Variants in PRR5 observed in about 807,000 individuals in gnomAD.
The protein encoded by PRR5 is proline rich 5, also known as proline-rich protein 5.
Under a neutral mutation model 30.6 loss-of-function variants are expected in PRR5, and 25 were observed. The observed-to-expected ratio is 0.82, with a 90% CI of 0.60 to 1.14. PRR5 has a LOEUF of 1.14. PRR5 is among the 50% of genes most tolerant of loss of function. The pLI, the probability that PRR5 is intolerant of heterozygous loss-of-function variation, is 0.00. For synonymous variants in PRR5, 286 were observed against 247.1 expected (o/e 1.16, Z -1.48); for missense variants, 600 against 547.1 (o/e 1.10, Z -0.96).
intron 6 of PRR5, chr22:44,734,713 CTT>C (rs1922872428): frequency 5.1e-6 from 2 of 389,734 alleles, no homozygotes; most frequent in South Asian, 7.1e-5. Context: ...CTCTAGGACT[CTT>C]GAGTACAGGG....
chr22:44,672,235 G>A (rs554896834), upstream of PRR5, among the ~76,000 whole-genome samples: 17 of 152,284 alleles, frequency 1.1e-4, no homozygotes, highest in Middle Eastern at 3.4e-3. Context: ...TGTGTTACAC[G>A]GATACCCACA....
chr22:44,701,970 G>A (rs1926347505), upstream of PRR5, among the ~76,000 whole-genome samples: 3 of 152,280 alleles, frequency 2.0e-5, no homozygotes, highest in Admixed American at 6.5e-5. Flanking sequence ...GTGCGTGTTG[G>A]TTTCCTGTGG....
rs1926463935 is a variant in PRR5, at chr22:44,702,404, C to T, written c.-71C>T. 2.4e-6 allele frequency: 3 copies of T among 1,230,366 alleles called. No individual in the cohort carries two copies. The highest frequency in any genetic ancestry group is 4.4e-5 in the Admixed American group (1 of 22,506). 76.2% of individuals were successfully genotyped at this position (1,230,366 alleles called of 1,614,324 possible). ...TAGAGGGCGCATCGCCGGCCCGGGGCCCTTGGTGCGGCGTGGCGCAGGGCG... is the reference window on the plus strand; with the variant it reads ...TAGAGGGCGCATCGCCGGCCCGGGGTCCTTGGTGCGGCGTGGCGCAGGGCG... On this transcript the variant is annotated 5_prime_UTR_variant, in exon 1 of 8. Coordinates refer to ENST00000336985, the MANE Select transcript of PRR5 (RefSeq NM_181333.4).
chr22:44,706,163 C>T (rs930749524), intron 1 of PRR5, among the ~76,000 whole-genome samples: 2 of 152,202 alleles, frequency 1.3e-5, no homozygotes, highest in Non-Finnish European at 2.9e-5. Context: ...AGTTAAGGAT[C>T]ATCTCCAGGT....
chr22:44,732,996 G>T (rs544921382), intron 6 of PRR5, among the ~76,000 whole-genome samples: 4 of 141,068 alleles, frequency 2.8e-5, no homozygotes, highest in African/African-American at 5.0e-5. Context: ...ACATGTGCGC[G>T]CACACATACT....
In PRR5 at chr22:44,702,322, G is replaced by A. The variant is rs1395401605; in HGVS notation, c.-153G>A. On this transcript the variant is annotated 5_prime_UTR_variant, in exon 1 of 8. Transcript: ENST00000336985. The stretch of plus-strand genomic sequence containing the variant: ...GCGGGACCCGAGACGGAGGCGCGGG[G>A]CCGGGGCGGGACCCCGCAGGACCGC... 106 of 1,150,420 alleles carry A rather than the reference G, an allele frequency of 9.2e-5. No individual in the cohort carries two copies. Among genetic ancestry groups the A allele is most frequent in the Non-Finnish European group, 1.1e-4 (101 of 929,378 alleles). The allele number at this position is 1,150,420 out of a possible 1,614,324, so 71.3% of individuals were successfully genotyped here. A position where few individuals can be genotyped will look rare whatever the true frequency, so the allele number is the denominator to read the frequency against.
intron 6 of PRR5, among the ~76,000 whole-genome samples, chr22:44,732,744 ACG>A (rs1569111111): frequency 6.6e-6 from 1 of 150,412 alleles, no homozygotes; most frequent in African/African-American, 2.5e-5. Flanking sequence ...CACACCACAC[ACG>A]TGTGCACGCA....
chr22:44,698,513 G>A (rs5765912), upstream of PRR5, among the ~76,000 whole-genome samples: 13,226 of 152,164 alleles, frequency 0.087, 790 homozygotes, highest in South Asian at 0.21. Flanking sequence ...AGACACAAAT[G>A]AGCCCTGCCC....
chr22:44,724,462 AG>A (rs1322860822), intron 2 of PRR5, among the ~76,000 whole-genome samples: 1 of 152,116 alleles, frequency 6.6e-6, no homozygotes, highest in Admixed American at 6.6e-5. Flanking sequence ...GTTTTCCTAA[AG>A]GGAATAGCAA....
At chr22:44,669,512 A>T (rs1923300555) in intron 1 of PRR5, among the ~76,000 whole-genome samples, 1 of 152,198 alleles carries the variant, frequency 6.6e-6, no homozygotes, top group Admixed American at 6.5e-5. Context: ...ATCCCTTGGC[A>T]GGTGGGGATA....
rs921607006 is a variant in PRR5 at position 44,730,025 on chromosome 22, C to T, written c.323-1705C>T. The T allele has an allele frequency of 1.9e-5, 19 of 985,314 alleles. No homozygotes were observed. In the African/African-American group the frequency reaches 2.3e-4, roughly 12 times the overall value. The allele number at this position is 985,314 out of a possible 1,614,324, so 61.0% of individuals were successfully genotyped here. ...CCCTCAGAGCCAGGTTTGGGCTACC[C>T]GGGTGGGCAGAGGGCTGGCCACTGG... On this transcript the variant is annotated intron_variant, in intron 4 of 7. Coordinates refer to ENST00000336985, the MANE Select transcript of PRR5 (RefSeq NM_181333.4).
chr22:44,688,717 G>A lies in PRR5; in HGVS notation c.-11+11477G>A, dbSNP rs148988234. Among the ~76,000 whole-genome samples, 11 of 152,234 alleles carry A rather than the reference G, an allele frequency of 7.2e-5. No homozygotes were observed. In the East Asian group the frequency reaches 1.9e-3, roughly 27 times the overall value. On this transcript the variant is annotated intron_variant, in intron 1 of 8. Transcript: ENST00000006251. The stretch of plus-strand genomic sequence containing the variant: ...CATCCTATATATGGCCAGGTGCAGT[G>A]TGGCTCACGCCTGTAATTCCAGCAT...
chr22:44,733,216 G>A (rs1177578052), intron 6 of PRR5, among the ~76,000 whole-genome samples: 1 of 152,232 alleles, frequency 6.6e-6, no homozygotes, highest in Non-Finnish European at 1.5e-5. Context: ...TCCACCGCAA[G>A]CCAGGGGTTT....
At chr22:44,730,683 T>C in intron 4 of PRR5, 1 of 1,019,742 alleles carries the variant, frequency 9.8e-7, no homozygotes, top group Non-Finnish European at 1.2e-6. Flanking sequence ...GCTTGGATGC[T>C]CTTCCTCCAG....
chr22:44,726,662 C>G lies in PRR5; in HGVS notation c.322+28C>G, dbSNP rs374390033. On this transcript the variant is annotated intron_variant, in intron 4 of 7. Transcript: ENST00000336985. The stretch of plus-strand genomic sequence containing the variant: ...GAGTGTGGGCCCCTTGGCGGCCACT[C>G]TGGGCCATGCTGGGTCCTGGCTGGC... The G allele has an allele frequency of 3.7e-6, 6 of 1,613,704 alleles. No individual in the cohort carries two copies. The African/African-American group carries it at 8.0e-5, about 22-fold the overall frequency.
upstream of PRR5, among the ~76,000 whole-genome samples, chr22:44,697,604 CCCT>C (rs1569076205): frequency 2.0e-5 from 3 of 152,200 alleles, no homozygotes; most frequent in Admixed American, 1.3e-4. Context: ...GCGGACGTGC[CCCT>C]CCAGAGCAGG....
intron 1 of PRR5, among the ~76,000 whole-genome samples, chr22:44,713,905 G>A (rs1449401332): frequency 6.6e-6 from 1 of 152,194 alleles, no homozygotes; most frequent in Non-Finnish European, 1.5e-5. Context: ...CCGGGTTCAC[G>A]CCACTCTCCT....
chr22:44,711,732 G>A (rs1263942042), intron 1 of PRR5, among the ~76,000 whole-genome samples: 3 of 152,126 alleles, frequency 2.0e-5, no homozygotes, highest in Non-Finnish European at 4.4e-5. Flanking sequence ...ACTTGGGAAG[G>A]CACCTCTGAA....
intron 2 of PRR5, among the ~76,000 whole-genome samples, chr22:44,722,468 C>T (rs1930088401): frequency 6.6e-6 from 1 of 152,364 alleles, no homozygotes; most frequent in Middle Eastern, 3.4e-3. Flanking sequence ...AAGCAGGAGC[C>T]ACCTCCATCC....
Sources: gnomAD v4.1 joint callset for allele counts (sites outside exome capture counted in the v4.1 genomes callset) on GRCh38, gnomAD v4.1.1 for gene constraint, MANE v1.5 for transcripts, NCBI Gene and HGNC (gene_info 2026-07-23, HGNC 2026-07-21) for gene names.